LSAMP: variants seen among roughly 807,000 people sequenced by gnomAD.
LSAMP encodes the protein limbic system associated membrane protein, also known as limbic system-associated membrane protein.
Under a neutral mutation model 38.6 loss-of-function variants are expected in LSAMP, and 7 were observed. That is an observed-to-expected ratio of 0.18 (90% CI 0.10 to 0.34). The LOEUF is 0.34. Among genes scored for constraint, LSAMP ranks in the 10% least tolerant of loss-of-function variants. The pLI, the probability that LSAMP is intolerant of heterozygous loss-of-function variation, is 1.00. For synonymous variants in LSAMP, 154 were observed against 166.8 expected, an observed-to-expected ratio of 0.92 and a Z score of 0.59; for missense variants, 313 against 420.0, an observed-to-expected ratio of 0.75 and a Z score of 2.23.
chr3:116,254,874 A>G (rs73140996), intron 1 of LSAMP, among the ~76,000 whole-genome samples: 2,001 of 152,314 alleles, frequency 0.013, 22 homozygotes, highest in Middle Eastern at 0.02. Context: ...AATGTTGTGC[A>G]ATCTCTCAGA....
intron 1 of LSAMP, among the ~76,000 whole-genome samples, chr3:116,420,592 C>G (rs557335975): frequency 1.3e-5 from 2 of 151,930 alleles, no homozygotes; most frequent in African/African-American, 4.8e-5. Flanking sequence ...TTGGGCCGGG[C>G]GCGGTGGCTC....
chr3:115,945,761 A>G (rs1047740054), intron 3 of LSAMP, among the ~76,000 whole-genome samples: 7 of 152,162 alleles, frequency 4.6e-5, no homozygotes, highest in East Asian at 1.9e-4. Context: ...AGAAGTTTCA[A>G]TCTAACAGAC....
At position 116,063,806 on chromosome 3, in the gene LSAMP, C is replaced by CA. The variant is rs200006025; in HGVS notation, c.388+22517dup. ...TAGACTGTAAAGTAGGTATCTATTGCAAAAAAAACTACAAAAAAACCAAAT... is the reference window on the plus strand; with the variant it reads ...TAGACTGTAAAGTAGGTATCTATTGCAAAAAAAAACTACAAAAAAACCAAAT... On this transcript the variant is annotated intron_variant, in intron 2 of 6. Transcript: ENST00000490035. Among the ~76,000 whole-genome samples, 663 of 151,620 alleles carry CA rather than the reference C, an allele frequency of 4.4e-3. 5 individuals are homozygous for CA. Among genetic ancestry groups the CA allele is most frequent in the African/African-American group, 0.014 (599 of 41,414 alleles).
intron 1 of LSAMP, among the ~76,000 whole-genome samples, chr3:116,382,560 A>G (rs1455948748): frequency 6.6e-6 from 1 of 151,530 alleles, no homozygotes; most frequent in Non-Finnish European, 1.5e-5. Context: ...TGTAAATGAC[A>G]AGTTAATGGG....
At chr3:116,066,461 T>C (rs1208038032) in intron 2 of LSAMP, among the ~76,000 whole-genome samples, 8 of 152,242 alleles carry the variant, frequency 5.3e-5, no homozygotes, top group African/African-American at 1.7e-4. Flanking sequence ...AAACTCTTTA[T>C]TGTTCTTCAC....
intron 1 of LSAMP, among the ~76,000 whole-genome samples, chr3:116,248,373 A>G (rs1488631626): frequency 6.6e-6 from 1 of 152,156 alleles, no homozygotes; most frequent in African/African-American, 2.4e-5. Flanking sequence ...ACAGGTGCAC[A>G]CACCTGTAAT....
At chr3:116,376,254 A>T (rs967846542) in intron 1 of LSAMP, among the ~76,000 whole-genome samples, 1 of 152,118 alleles carries the variant, frequency 6.6e-6, no homozygotes, top group Non-Finnish European at 1.5e-5. Context: ...TTAAACAAGG[A>T]TGATGAGATA....
At chr3:116,173,549 G>C (rs1311386333) in intron 1 of LSAMP, among the ~76,000 whole-genome samples, 1 of 151,896 alleles carries the variant, frequency 6.6e-6, no homozygotes, top group Non-Finnish European at 1.5e-5. Flanking sequence ...TTTATAGTAG[G>C]GATAGGACCA....
intron 3 of LSAMP, among the ~76,000 whole-genome samples, chr3:115,981,417 T>A (rs1939356781): frequency 6.6e-6 from 1 of 152,082 alleles, no homozygotes; most frequent in African/African-American, 2.4e-5. Flanking sequence ...GTTGACAGTA[T>A]GATCTTTAAA....
intron 2 of LSAMP, among the ~76,000 whole-genome samples, chr3:116,063,749 C>A (rs774758652): frequency 6.6e-6 from 1 of 151,968 alleles, no homozygotes; most frequent in Non-Finnish European, 1.5e-5. Context: ...AAAATAATGA[C>A]AGTTTATCAA....
At chr3:116,213,654 C>G (rs1051550508) in intron 1 of LSAMP, among the ~76,000 whole-genome samples, 1 of 152,114 alleles carries the variant, frequency 6.6e-6, no homozygotes, top group Non-Finnish European at 1.5e-5. Flanking sequence ...TGGAAACAAA[C>G]TAAATATCCA....
intron 1 of LSAMP, among the ~76,000 whole-genome samples, chr3:116,406,512 C>T (rs1477850126): frequency 1.3e-5 from 2 of 152,128 alleles, no homozygotes; most frequent in East Asian, 3.9e-4. Context: ...TGCTGTCTTA[C>T]ATTTGCTTCC....
intron 6 of LSAMP, among the ~76,000 whole-genome samples, chr3:115,813,280 G>T (rs1933899386): frequency 6.6e-6 from 1 of 151,972 alleles, no homozygotes; most frequent in Non-Finnish European, 1.5e-5. Context: ...TACCTTTCCT[G>T]TCTAGATAAG....
At chr3:116,047,409 A>C (rs75805409) in intron 2 of LSAMP, among the ~76,000 whole-genome samples, 58 of 151,702 alleles carry the variant, frequency 3.8e-4, no homozygotes, top group Admixed American at 2.0e-4. Flanking sequence ...ACAAAAAAAA[A>C]CTGTAAGGTA....
At chr3:115,966,227 G>A (rs114895651) in intron 3 of LSAMP, among the ~76,000 whole-genome samples, 231 of 152,254 alleles carry the variant, frequency 1.5e-3, no homozygotes, top group African/African-American at 5.3e-3. Flanking sequence ...AACCATTTTC[G>A]ATCTTGACAG....
intron 2 of LSAMP, among the ~76,000 whole-genome samples, chr3:116,072,730 C>G (rs1244671046): frequency 8.2e-6 from 1 of 121,460 alleles, no homozygotes; most frequent in Non-Finnish European, 1.8e-5. Flanking sequence ...TATTTGCTTA[C>G]TTTTTGAAGG....
In LSAMP at chr3:116,214,645, G is replaced by A. The variant is rs77399869; in HGVS notation, c.156-128089C>T. Among the ~76,000 whole-genome samples the A allele has an allele frequency of 4.5e-4, 68 of 152,048 alleles. 1 individual carries two copies. The East Asian group carries it at 0.012, about 26-fold the overall frequency. On this transcript the variant is annotated intron_variant, in intron 1 of 6. Transcript: ENST00000490035. Reference sequence around the variant, plus strand: ...AGCCTCCCAATTAGCTGGGATTACAGGTGCCCACCACCACGCATGGCTAAT... The same window carrying A: ...AGCCTCCCAATTAGCTGGGATTACAAGTGCCCACCACCACGCATGGCTAAT...
intron 1 of LSAMP, among the ~76,000 whole-genome samples, chr3:116,310,450 T>G (rs941036798): frequency 3.9e-5 from 6 of 152,164 alleles, no homozygotes; most frequent in Non-Finnish European, 8.8e-5. Flanking sequence ...GATTTTGATA[T>G]TCATTAAATT....
intron 2 of LSAMP, among the ~76,000 whole-genome samples, chr3:116,025,570 G>T (rs1457683199): frequency 2.0e-5 from 3 of 151,702 alleles, no homozygotes; most frequent in Non-Finnish European, 4.4e-5. Context: ...TATTTTAATT[G>T]TTTCTTTTTT....
Sources: gnomAD v4.1 joint callset for allele counts (sites outside exome capture counted in the v4.1 genomes callset) on GRCh38, gnomAD v4.1.1 for gene constraint, MANE v1.5 for transcripts, NCBI Gene and HGNC (gene_info 2026-07-23, HGNC 2026-07-21) for gene names.